Variants in DAB1 observed in about 807,000 individuals in gnomAD.
DAB1 encodes disabled homolog 1.
A neutral mutation model predicts 64.6 loss-of-function variants in DAB1; 15 were observed. The ratio of observed to expected loss-of-function variants is 0.23; its 90% CI spans 0.16 to 0.36. The LOEUF (loss-of-function observed/expected upper bound fraction) is 0.36, where lower values mean the gene tolerates loss of function less well. DAB1 is among the 10% of genes least tolerant of loss of function. DAB1 has a pLI of 1.00. For missense variants in DAB1, 596 were observed against 706.7 expected (o/e 0.84, Z 1.78); for synonymous variants, 235 against 251.9 (o/e 0.93, Z 0.64).
At chr1:57,448,625 C>G (rs12044912) in intron 7 of DAB1, among the ~76,000 whole-genome samples, 99,327 of 152,034 alleles carry the variant, frequency 0.65, 32,936 homozygotes, top group East Asian at 0.96. Context: ...AGAATAAATT[C>G]TTGATCAAGA....
intron 2 of DAB1, among the ~76,000 whole-genome samples, chr1:57,238,479 C>T (rs1382489153): frequency 1.3e-5 from 2 of 152,196 alleles, no homozygotes; most frequent in Non-Finnish European, 2.9e-5. Flanking sequence ...GATGAAGATT[C>T]GCTCTCTTGC....
intron 7 of DAB1, among the ~76,000 whole-genome samples, chr1:57,477,041 G>GGCCTCT (rs1181692896): frequency 6.6e-6 from 1 of 152,186 alleles, no homozygotes; most frequent in Non-Finnish European, 1.5e-5. Flanking sequence ...TCTAAAGCAT[G>GGCCTCT]TAACACTATA....
chr1:58,349,663 G>A (rs924219422), intron 3 of DAB1, among the ~76,000 whole-genome samples: 77 of 152,026 alleles, frequency 5.1e-4, no homozygotes, highest in Middle Eastern at 3.4e-3. Context: ...CTGTGTCCAT[G>A]TGTTCTCATT....
chr1:57,358,123 C>T (rs1679271459), intron 1 of DAB1, among the ~76,000 whole-genome samples: 1 of 151,962 alleles, frequency 6.6e-6, no homozygotes, highest in South Asian at 2.1e-4. Flanking sequence ...TTCCTTTTTA[C>T]TTTGAATGCC....
chr1:57,062,242 G>A (rs1650475966), intron 9 of DAB1, among the ~76,000 whole-genome samples: 2 of 152,050 alleles, frequency 1.3e-5, no homozygotes, highest in Non-Finnish European at 2.9e-5. Flanking sequence ...TGCCTCTTGG[G>A]TTCTCCACAA....
intron 2 of DAB1, among the ~76,000 whole-genome samples, chr1:57,178,381 T>C (rs1246593921): frequency 1.3e-5 from 2 of 151,818 alleles, no homozygotes; most frequent in Non-Finnish European, 2.9e-5. Context: ...AGCATATTCA[T>C]ATAATGGTTA....
chr1:58,447,655 C>T lies in DAB1; in HGVS notation n.257+58405G>A, dbSNP rs544538627. ...AGAAAAGAAGGAACGATACACAGTG[C>T]TAATGGCAAATGTATGACAGAACAA... On this transcript the variant is annotated intron_variant and non_coding_transcript_variant, in intron 3 of 20. Transcript: ENST00000485760. 9.2e-5 allele frequency among the ~76,000 whole-genome samples: 14 copies of T among 152,180 alleles called. No individual in the cohort carries two copies. The South Asian group carries it at 2.7e-3, about 29-fold the overall frequency.
rs1646379359 is a variant in DAB1 at position 57,015,000 on chromosome 1, A to G, written c.1327T>C (p.Phe443Leu). ...QPSLTCTSEA[F>L]SSYFNKVGVA... ...CCGACTTTGTTGAAGTAACTGGAGA[A>G]GGCCTCTGAGGTACAGGTGAGGGAG... is the stretch of plus-strand genomic sequence containing the variant. Residue 443 changes from phenylalanine to leucine, a missense_variant, in exon 12 of 15, where the codon TTC becomes CTC. Phe to Leu is a conservative substitution (Grantham distance 22). Around this residue, in one of 3 missense-constraint regions of DAB1, gnomAD observed 377 missense variants for 400.4 expected, o/e 0.94. Transcript: ENST00000371236. 5 of 1,614,032 alleles carry G rather than the reference A, an allele frequency of 3.1e-6. No individual in the cohort carries two copies. Among genetic ancestry groups the G allele is most frequent in the African/African-American group, 2.7e-5 (2 of 74,910 alleles).
At chr1:57,285,593 G>C (rs970581652) in intron 2 of DAB1, among the ~76,000 whole-genome samples, 10 of 152,096 alleles carry the variant, frequency 6.6e-5, no homozygotes, top group African/African-American at 2.4e-4. Flanking sequence ...CTAATGACAA[G>C]TGGAAATATT....
intron 7 of DAB1, among the ~76,000 whole-genome samples, chr1:57,509,175 T>G (rs1318210585): frequency 6.6e-6 from 1 of 152,280 alleles, no homozygotes; most frequent in East Asian, 1.9e-4. Context: ...CTCAGCTTTC[T>G]CATCGCTAAA....
chr1:57,655,473 C>T (rs937799526), intron 6 of DAB1, among the ~76,000 whole-genome samples: 5 of 152,152 alleles, frequency 3.3e-5, no homozygotes, highest in African/African-American at 1.2e-4. Flanking sequence ...TCCTTCCATC[C>T]ACCCATACAT....
In DAB1 at chr1:57,834,007, G is replaced by A. The variant is rs112303875; in HGVS notation, n.88-7552C>T. Among the ~76,000 whole-genome samples the A allele has an allele frequency of 4.0e-3, 614 of 152,234 alleles. 9 individuals carry two copies. Among genetic ancestry groups the A allele is most frequent in the African/African-American group, 0.014 (575 of 41,546 alleles). ...ATTTGTAACAGGATGCAAAAATGAA[G>A]CTTGTATTTGCATCCTATTAACCTA... On this transcript the variant is annotated intron_variant and non_coding_transcript_variant, in intron 1 of 1. Coordinates refer to the DAB1 transcript ENST00000477280.
rs1644552622 is a variant in DAB1, at chr1:57,523,327, T to C, written n.625+126265A>G. 2.6e-5 allele frequency among the ~76,000 whole-genome samples: 4 copies of C among 152,184 alleles called. No individual in the cohort carries two copies. In the South Asian group the frequency reaches 8.3e-4, roughly 31 times the overall value. On this transcript the variant is annotated intron_variant and non_coding_transcript_variant, in intron 7 of 20. Coordinates refer to the DAB1 transcript ENST00000485760. ...ATTTGGAAGGAGGGAGAAAAGGATA[T>C]TACATACAGTAAAAAAGCTGACAAG...
At chr1:57,200,880 G>A (rs1396230404) in intron 2 of DAB1, among the ~76,000 whole-genome samples, 1 of 152,208 alleles carries the variant, frequency 6.6e-6, no homozygotes, top group Admixed American at 6.5e-5. Flanking sequence ...GAAGTGAGGA[G>A]ATGAGGCAAG....
intron 5 of DAB1, chr1:58,048,923 T>C: frequency 1.1e-6 from 1 of 886,026 alleles, no homozygotes; most frequent in Non-Finnish European, 1.9e-6. Flanking sequence ...CTGTTAAAAA[T>C]AATCTCTTAG....
At chr1:58,417,139 C>T (rs908357402) in intron 3 of DAB1, among the ~76,000 whole-genome samples, 10 of 152,166 alleles carry the variant, frequency 6.6e-5, no homozygotes, top group Admixed American at 4.6e-4. Context: ...GGCATCCTCC[C>T]GTCTCTTCTT....
At chr1:57,543,646 G>C (rs947137058) in intron 7 of DAB1, among the ~76,000 whole-genome samples, 1 of 152,184 alleles carries the variant, frequency 6.6e-6, no homozygotes, top group Non-Finnish European at 1.5e-5. Flanking sequence ...AAAAGACTTA[G>C]AGAAGATTCC....
chr1:57,074,830 G>A (rs1425434067), intron 4 of DAB1, among the ~76,000 whole-genome samples: 2 of 152,126 alleles, frequency 1.3e-5, no homozygotes, highest in Non-Finnish European at 2.9e-5. Context: ...ATATTTGCTA[G>A]CAAAATAATT....
At chr1:58,442,367 C>T (rs998617788) in intron 3 of DAB1, among the ~76,000 whole-genome samples, 3 of 152,160 alleles carry the variant, frequency 2.0e-5, no homozygotes, top group Non-Finnish European at 2.9e-5. Context: ...CCAGATGACA[C>T]AAGATTTCTT....
Sources: gnomAD v4.1 joint callset for allele counts (sites outside exome capture counted in the v4.1 genomes callset) on GRCh38, gnomAD v4.1.1 for gene constraint, gnomAD v4.1.1 regional missense constraint, MANE v1.5 for transcripts, NCBI Gene and HGNC (gene_info 2026-07-23, HGNC 2026-07-21) for gene names.